The following CFAP77 variants were observed in gnomAD, a reference collection of about 807,000 sequenced individuals.
The protein encoded by CFAP77 is cilia- and flagella-associated protein 77.
CFAP77 carries 25 observed loss-of-function variants against 31.1 expected under a neutral mutation model. The observed-to-expected ratio is 0.80, with a 90% CI of 0.59 to 1.12. The LOEUF (loss-of-function observed/expected upper bound fraction) is 1.12. Ranked by LOEUF, CFAP77 falls within the 50% of genes most tolerant of loss-of-function variation. The pLI, the probability that CFAP77 is intolerant of heterozygous loss-of-function variation, is 0.00. For synonymous variants in CFAP77, 151 were observed against 159.9 expected, an observed-to-expected ratio of 0.94 and a Z score of 0.42; for missense variants, 377 against 397.3, an observed-to-expected ratio of 0.95 and a Z score of 0.44.
chr9:132,428,174 G>GTT (rs111938414), intron 1 of CFAP77, among the ~76,000 whole-genome samples: 6 of 144,210 alleles, frequency 4.2e-5, no homozygotes, highest in Admixed American at 7.0e-5. Flanking sequence ...TAATTTTTAA[G>GTT]TTTTTTTTTT....
chr9:132,509,885 C>T (rs1852002461), intron 3 of CFAP77, among the ~76,000 whole-genome samples: 1 of 152,132 alleles, frequency 6.6e-6, no homozygotes, highest in South Asian at 2.1e-4. Context: ...CTCCCTGGGG[C>T]CCCAGACTGG....
rs566568692 is a variant in CFAP77 at position 132,497,730 on chromosome 9, C to T, written c.196-965C>T. Among the ~76,000 whole-genome samples the T allele has an allele frequency of 7.9e-5, 12 of 152,274 alleles. No individual in the cohort carries two copies. The highest frequency in any genetic ancestry group is 1.9e-4 in the African/African-American group (8 of 41,546). ...GATGGTAATGAGACCTGCCTCACTG[C>T]GCAGCTATGCAGACGGCATGAGGGA... is the stretch of plus-strand genomic sequence containing the variant. On this transcript the variant is annotated intron_variant, in intron 1 of 5. Coordinates refer to ENST00000393216, the MANE Select transcript of CFAP77 (RefSeq NM_001282957.2). The surrounding 1 kb of genome is among the most constrained non-coding windows in gnomAD (Gnocchi z 4.9).
chr9:132,464,109 A>G (rs1470904772), intron 1 of CFAP77, among the ~76,000 whole-genome samples: 1 of 152,248 alleles, frequency 6.6e-6, no homozygotes, highest in Non-Finnish European at 1.5e-5. Context: ...GTGACTGACA[A>G]CAACAAAGTT....
chr9:132,437,704 G>T (rs1850534588), intron 1 of CFAP77, among the ~76,000 whole-genome samples: 1 of 151,032 alleles, frequency 6.6e-6, no homozygotes, highest in African/African-American at 2.4e-5. Context: ...GTAGAGACAG[G>T]GTTTCACCAT....
intron 5 of CFAP77, among the ~76,000 whole-genome samples, chr9:132,559,013 C>CAA (rs1196444968): frequency 1.4e-5 from 2 of 139,454 alleles, no homozygotes; most frequent in African/African-American, 5.3e-5. Flanking sequence ...GACTCTGTCT[C>CAA]AAAAAAAAAA....
Position 132,545,534 on chromosome 9 carries a change from G to A in CFAP77, c.732+2487G>A, listed in dbSNP as rs569577312. On this transcript the variant is annotated intron_variant, in intron 5 of 5. Coordinates refer to ENST00000393216, the MANE Select transcript of CFAP77 (RefSeq NM_001282957.2). This position sits in a 1 kb window ranked among gnomAD's most constrained non-coding sequence, Gnocchi z 4.6. ...AGGATGCTGGGAGTTAAAGCTGCAG[G>A]CTGTCTCCCTATCCTACTTGCCAGA... Among the ~76,000 whole-genome samples, 136 of 152,352 alleles carry A rather than the reference G, an allele frequency of 8.9e-4. No individual in the cohort carries two copies. The highest frequency in any genetic ancestry group is 3.2e-3 in the African/African-American group (132 of 41,582).
chr9:132,512,684 C>T (rs1295319960), intron 3 of CFAP77, among the ~76,000 whole-genome samples: 1 of 152,182 alleles, frequency 6.6e-6, no homozygotes, highest in Non-Finnish European at 1.5e-5. Flanking sequence ...TGGTGGCTTA[C>T]ACCTGTAATC....
chr9:132,550,508 C>T (rs1256075647), intron 5 of CFAP77, among the ~76,000 whole-genome samples: 2 of 147,600 alleles, frequency 1.4e-5, no homozygotes, highest in Non-Finnish European at 3.0e-5. Context: ...TCCTCAACAT[C>T]TCCCTTGAAG....
At chr9:132,474,434 G>C (rs1295412680) in intron 1 of CFAP77, among the ~76,000 whole-genome samples, 1 of 152,218 alleles carries the variant, frequency 6.6e-6, no homozygotes, top group East Asian at 1.9e-4. Flanking sequence ...AAGTGAAATG[G>C]GATAAATGTG....
intron 1 of CFAP77, among the ~76,000 whole-genome samples, chr9:132,470,523 TGTG>T (rs753851140): frequency 6.6e-6 from 1 of 152,286 alleles, no homozygotes; most frequent in East Asian, 1.9e-4. Flanking sequence ...TGCTGGCATG[TGTG>T]GTGCCCCCTG....
Position 132,545,463 on chromosome 9 carries a change from G to A in CFAP77, c.732+2416G>A, listed in dbSNP as rs565306544. Among the ~76,000 whole-genome samples, 1 of 152,272 alleles carries A rather than the reference G, an allele frequency of 6.6e-6. No homozygotes were observed. Among genetic ancestry groups the A allele is most frequent in the South Asian group, 2.1e-4 (1 of 4,826 alleles). ...CATGAGAAAGAAAATCAACATGCAA[G>A]CCACAGCATATACTGAGTGTTCGCC... is the stretch of plus-strand genomic sequence containing the variant. On this transcript the variant is annotated intron_variant, in intron 5 of 5. Coordinates refer to ENST00000393216, the MANE Select transcript of CFAP77 (RefSeq NM_001282957.2). This position sits in a 1 kb window ranked among gnomAD's most constrained non-coding sequence, Gnocchi z 4.6.
intron 1 of CFAP77, among the ~76,000 whole-genome samples, chr9:132,434,310 A>G (rs1445900490): frequency 6.6e-6 from 1 of 152,082 alleles, no homozygotes. Context: ...TACCATGTAT[A>G]TGAAAATGTC....
chr9:132,494,333 T>C (rs1469340486), intron 1 of CFAP77, among the ~76,000 whole-genome samples: 2 of 152,188 alleles, frequency 1.3e-5, no homozygotes, highest in African/African-American at 4.8e-5. Flanking sequence ...CTTTACCCAC[T>C]AAATGGAGGA....
At chr9:132,534,527 G>A (rs576726496) in intron 3 of CFAP77, among the ~76,000 whole-genome samples, 1 of 151,106 alleles carries the variant, frequency 6.6e-6, no homozygotes, top group Non-Finnish European at 1.5e-5. Context: ...CAGGAGAATG[G>A]CGTGAACCCA....
intron 1 of CFAP77, among the ~76,000 whole-genome samples, chr9:132,469,157 C>T (rs747280988): frequency 6.6e-6 from 1 of 152,150 alleles, no homozygotes; most frequent in African/African-American, 2.4e-5. Context: ...GTAGAACGAG[C>T]TCTCTGTGAG....
chr9:132,412,971 G>A (rs944900242), intron 1 of CFAP77, among the ~76,000 whole-genome samples: 3 of 152,104 alleles, frequency 2.0e-5, no homozygotes, highest in African/African-American at 4.8e-5. Flanking sequence ...TAGAGGTTGG[G>A]AGTGCACTCT....
chr9:132,475,500 T>C (rs951650480), intron 1 of CFAP77, among the ~76,000 whole-genome samples: 10 of 152,190 alleles, frequency 6.6e-5, no homozygotes, highest in Admixed American at 2.0e-4. Flanking sequence ...ACTGAGCCGA[T>C]AATCGTCTCT....
chr9:132,520,790 T>A (rs990432123), intron 3 of CFAP77, among the ~76,000 whole-genome samples: 3 of 152,130 alleles, frequency 2.0e-5, no homozygotes, highest in Non-Finnish European at 4.4e-5. Context: ...TTCTGCCCCC[T>A]GGCCCAGGAG....
At chr9:132,494,489 C>T (rs894953980) in intron 1 of CFAP77, among the ~76,000 whole-genome samples, 3 of 152,190 alleles carry the variant, frequency 2.0e-5, no homozygotes, top group South Asian at 2.1e-4. Context: ...TATCCACCTA[C>T]GATGGCCACT....
Sources: allele counts gnomAD v4.1 joint callset (sites outside exome capture counted in the v4.1 genomes callset), GRCh38; gene constraint gnomAD v4.1.1; non-coding constraint Gnocchi (gnomAD v3.1); transcripts MANE v1.5; gene names NCBI Gene and HGNC (gene_info 2026-07-23, HGNC 2026-07-21).